Variants in TANC1 observed in about 807,000 individuals in gnomAD.
TANC1 encodes the protein protein TANC1.
A neutral mutation model predicts 149.7 loss-of-function variants in TANC1; 77 were observed. That is an observed-to-expected ratio of 0.51 (90% confidence interval 0.43 to 0.62). The LOEUF (loss-of-function observed/expected upper bound fraction) is 0.62, where lower values mean the gene tolerates loss of function less well. Ranked by LOEUF, TANC1 falls within the 20% of genes least tolerant of loss-of-function variation. The probability of loss-of-function intolerance (pLI) is 0.00; values close to 1 mark genes in which losing one functional copy is unlikely to be tolerated. For synonymous variants in TANC1, 854 were observed against 925.0 expected, an observed-to-expected ratio of 0.92 and a Z score of 1.39; for missense variants, 1,985 against 2,321.8, an observed-to-expected ratio of 0.85 and a Z score of 2.98.
At chr2:158,986,953 G>A (rs1305996527) in intron 1 of TANC1, among the ~76,000 whole-genome samples, 2 of 151,932 alleles carry the variant, frequency 1.3e-5, no homozygotes, top group Admixed American at 1.3e-4. Context: ...TTAAAAAGAG[G>A]CTGGAGGAGG....
intron 4 of TANC1, among the ~76,000 whole-genome samples, chr2:159,110,481 T>C (rs1339206783): frequency 6.6e-6 from 1 of 152,220 alleles, no homozygotes; most frequent in Non-Finnish European, 1.5e-5. Flanking sequence ...TGGTTTTGTT[T>C]CTTTAAATTT....
intron 2 of TANC1, among the ~76,000 whole-genome samples, chr2:159,031,824 A>G (rs1169326457): frequency 1.3e-5 from 2 of 152,234 alleles, no homozygotes; most frequent in Admixed American, 6.5e-5. Flanking sequence ...TCACATGGGC[A>G]TGCATAACAG....
chr2:159,027,971 G>A (rs921120689), intron 2 of TANC1, among the ~76,000 whole-genome samples: 4 of 151,924 alleles, frequency 2.6e-5, no homozygotes, highest in African/African-American at 2.4e-5. Context: ...TTTTCAAGCC[G>A]CCAGTACTAT....
At chr2:159,058,531 A>G (rs75392164) in intron 2 of TANC1, among the ~76,000 whole-genome samples, 3,388 of 152,214 alleles carry the variant, frequency 0.022, 67 homozygotes, top group Non-Finnish European at 0.037. Context: ...GGAGTTCAAC[A>G]TTTTTCACCA....
At chr2:159,027,462 G>T (rs904142188) in intron 2 of TANC1, among the ~76,000 whole-genome samples, 4 of 152,162 alleles carry the variant, frequency 2.6e-5, no homozygotes, top group African/African-American at 9.7e-5. Context: ...TTCCGTCTGA[G>T]ACCTTGTCGG....
At chr2:159,072,359 C>G (rs1559204911) in intron 3 of TANC1, among the ~76,000 whole-genome samples, 1 of 152,046 alleles carries the variant, frequency 6.6e-6, no homozygotes, top group African/African-American at 2.4e-5. Flanking sequence ...CTTTGTTGTC[C>G]CTCATGTATG....
At chr2:159,045,778 C>T (rs1335980221) in intron 2 of TANC1, among the ~76,000 whole-genome samples, 3 of 152,196 alleles carry the variant, frequency 2.0e-5, no homozygotes, top group Non-Finnish European at 4.4e-5. Flanking sequence ...CCAACCCAAA[C>T]ATTCCCTTGT....
intron 2 of TANC1, among the ~76,000 whole-genome samples, chr2:159,019,663 T>TG (rs2038634096): frequency 2.4e-5 from 1 of 41,072 alleles, no homozygotes; most frequent in Non-Finnish European, 4.8e-5. Context: ...GTTTTTTTTT[T>TG]TTTTTTTTTT....
chr2:159,130,963 G>A (rs1377931761), intron 4 of TANC1, among the ~76,000 whole-genome samples: 2 of 152,136 alleles, frequency 1.3e-5, no homozygotes, highest in African/African-American at 4.8e-5. Flanking sequence ...GATTGAAAGG[G>A]GTACGTTGAG....
chr2:159,118,803 G>T (rs1204660260), intron 4 of TANC1, among the ~76,000 whole-genome samples: 1 of 152,164 alleles, frequency 6.6e-6, no homozygotes, highest in Non-Finnish European at 1.5e-5. Flanking sequence ...TGTGTATTCG[G>T]CCAGGTTCTG....
At chr2:159,220,093 G>A (rs1032449762) in intron 22 of TANC1, among the ~76,000 whole-genome samples, 3 of 150,766 alleles carry the variant, frequency 2.0e-5, no homozygotes, top group Admixed American at 1.3e-4. Context: ...GATTTTAGTC[G>A]ACTCTTAAAA....
intron 17 of TANC1, among the ~76,000 whole-genome samples, chr2:159,194,695 T>C (rs886897716): frequency 1.3e-5 from 2 of 152,234 alleles, no homozygotes; most frequent in Admixed American, 1.3e-4. Flanking sequence ...CTCTGCTTAA[T>C]GTTGTCCAGG....
chr2:159,066,788 C>A (rs1166236649), intron 3 of TANC1, among the ~76,000 whole-genome samples: 1 of 152,172 alleles, frequency 6.6e-6, no homozygotes, highest in Non-Finnish European at 1.5e-5. Context: ...GAATTTCATT[C>A]TTGTTTGTAG....
intron 7 of TANC1, 178 bp downstream of exon 7, chr2:159,150,734 T>C (rs2052700780): frequency 3.5e-6 from 2 of 571,788 alleles, no homozygotes; most frequent in African/African-American, 3.8e-5. Context: ...GCATTGGCTT[T>C]TACATTCCTT....
At chr2:159,004,500 C>A (rs998761782) in intron 2 of TANC1, among the ~76,000 whole-genome samples, 2 of 139,044 alleles carry the variant, frequency 1.4e-5, no homozygotes, top group Admixed American at 6.8e-5. Flanking sequence ...TTTTGCACTT[C>A]CTCCCAGGAT....
intron 23 of TANC1, chr2:159,225,387 G>A: frequency 2.1e-6 from 1 of 469,100 alleles, no homozygotes; most frequent in Middle Eastern, 6.1e-4. Flanking sequence ...TTATGCTAAG[G>A]CCTCATTTAA....
At chr2:159,049,209 G>A (rs1432833438) in intron 2 of TANC1, among the ~76,000 whole-genome samples, 1 of 151,996 alleles carries the variant, frequency 6.6e-6, no homozygotes, top group African/African-American at 2.4e-5. Context: ...TCAAAGTCTT[G>A]GTTTCTTATA....
intron 22 of TANC1, 110 bp downstream of exon 22, chr2:159,219,977 A>AGT (rs760037919): frequency 0.026 from 14,388 of 559,306 alleles, 246 homozygotes; most frequent in African/African-American, 0.088. Context: ...GTCATCAGAG[A>AGT]GTGTGTGTGT....
intron 19 of TANC1, among the ~76,000 whole-genome samples, chr2:159,215,567 AC>A (rs1212822109): frequency 3.3e-5 from 5 of 152,170 alleles, no homozygotes; most frequent in Non-Finnish European, 7.3e-5. Context: ...AGACAGGCAG[AC>A]CAAGGGGTGT....
Sources: gnomAD v4.1 joint callset for allele counts (sites outside exome capture counted in the v4.1 genomes callset) on GRCh38, gnomAD v4.1.1 for gene constraint, MANE v1.5 for transcripts, NCBI Gene and HGNC (gene_info 2026-07-23, HGNC 2026-07-21) for gene names.